POLR2F: variants seen among roughly 807,000 people sequenced by gnomAD.
The protein encoded by POLR2F is DNA-directed RNA polymerases I, II, and III subunit RPABC2.
POLR2F carries 12 observed loss-of-function variants against 22.7 expected under a neutral mutation model. The observed-to-expected ratio is 0.53, with a 90% CI of 0.34 to 0.86. The LOEUF is 0.86. Ranked by LOEUF, POLR2F falls within the 40% of genes least tolerant of loss-of-function variation. The pLI, the probability that POLR2F is intolerant of heterozygous loss-of-function variation, is 0.02. For missense variants in POLR2F, 126 were observed against 171.5 expected, an observed-to-expected ratio of 0.73 and a Z score of 1.48; for synonymous variants, 57 against 66.0, an observed-to-expected ratio of 0.86 and a Z score of 0.66.
At chr22:37,962,446 C>T (rs1342579644) in intron 3 of POLR2F, among the ~76,000 whole-genome samples, 1 of 152,108 alleles carries the variant, frequency 6.6e-6, no homozygotes, top group Non-Finnish European at 1.5e-5. Flanking sequence ...TTGTTCTCCC[C>T]CATTCCTCAG....
At chr22:38,004,704 G>C (rs553215933) in intron 1 of POLR2F, among the ~76,000 whole-genome samples, 7 of 152,276 alleles carry the variant, frequency 4.6e-5, no homozygotes, top group African/African-American at 1.2e-4. Context: ...TAATACTTTG[G>C]GGGGCCAAGT....
intron 1 of POLR2F, among the ~76,000 whole-genome samples, chr22:38,004,339 C>T (rs1227867251): frequency 2.6e-5 from 4 of 151,918 alleles, no homozygotes; most frequent in Admixed American, 6.6e-5. Context: ...TAGGATGGGT[C>T]GTAGGGAGGG....
chr22:38,011,634 A>G (rs1167712810), intron 1 of POLR2F, among the ~76,000 whole-genome samples: 2 of 152,126 alleles, frequency 1.3e-5, no homozygotes, highest in African/African-American at 2.4e-5. Flanking sequence ...CTTTATGTCA[A>G]TGCTACATTG....
chr22:37,987,606 C>A (rs1569173219), intron 1 of POLR2F: 1 of 334,368 alleles, frequency 3.0e-6, no homozygotes, highest in South Asian at 2.5e-5. Context: ...GAACCAGGGG[C>A]CATGCAGGAG....
At chr22:38,004,720 A>G (rs2084805334) in intron 1 of POLR2F, among the ~76,000 whole-genome samples, 1 of 152,220 alleles carries the variant, frequency 6.6e-6, no homozygotes, top group Admixed American at 6.5e-5. Context: ...CAAGTCGGGC[A>G]GATCACTTGA....
upstream of POLR2F, among the ~76,000 whole-genome samples, chr22:37,981,982 C>T (rs1234057193): frequency 2.0e-5 from 3 of 152,192 alleles, no homozygotes; most frequent in East Asian, 1.9e-4. Flanking sequence ...TGGAGATCCT[C>T]CTGCACCTTC....
rs900974199 is a variant in POLR2F at position 37,968,656 on chromosome 22, G to C, written c.*941G>C. Reference sequence around the variant, plus strand: ...GGCTCCTCCCTCCTAGAGGGGGTCAGGGGGAGGGTGTATATTGACATGAAC... The same window carrying C: ...GGCTCCTCCCTCCTAGAGGGGGTCACGGGGAGGGTGTATATTGACATGAAC... On this transcript the variant is annotated 3_prime_UTR_variant, in exon 5 of 5. Coordinates refer to ENST00000442738, the MANE Select transcript of POLR2F (RefSeq NM_021974.5). The C allele has an allele frequency of 1.0e-6, 1 of 985,396 alleles. No homozygotes were observed. Among genetic ancestry groups the C allele is most frequent in the Non-Finnish European group, 1.2e-6 (1 of 829,918 alleles). The allele number at this position is 985,396 out of a possible 1,614,324, so 61.0% of individuals were successfully genotyped here.
At chr22:38,023,271 C>G (rs749578677) in intron 1 of POLR2F, among the ~76,000 whole-genome samples, 1 of 152,122 alleles carries the variant, frequency 6.6e-6, no homozygotes, top group Non-Finnish European at 1.5e-5. Context: ...CTCACCTACA[C>G]GTGGCGCTGG....
chr22:38,006,098 G>C (rs1271253314), intron 1 of POLR2F, among the ~76,000 whole-genome samples: 1 of 152,080 alleles, frequency 6.6e-6, no homozygotes, highest in African/African-American at 2.4e-5. Context: ...GCCCATGCCT[G>C]TTGTCCTAGC....
At chr22:38,030,907 C>T (rs552483318), downstream of POLR2F, among the ~76,000 whole-genome samples, 12 of 152,196 alleles carry the variant, frequency 7.9e-5, no homozygotes, top group African/African-American at 1.4e-4. Context: ...TCAGATCAGT[C>T]GGCTGTCACC....
chr22:37,970,368 C>A (rs572478241), downstream of POLR2F, among the ~76,000 whole-genome samples: 1 of 148,636 alleles, frequency 6.7e-6, no homozygotes, highest in Non-Finnish European at 1.5e-5. Flanking sequence ...TTTAGGAGGC[C>A]GAGGCAAGCG....
chr22:37,996,477 T>C (rs1215703861), intron 1 of POLR2F, among the ~76,000 whole-genome samples: 1 of 152,178 alleles, frequency 6.6e-6, no homozygotes, highest in Non-Finnish European at 1.5e-5. Context: ...CTCTCCCTCA[T>C]TTGGTTTCTG....
At chr22:38,041,184 G>T, downstream of POLR2F, 1 of 1,602,992 alleles carries the variant, frequency 6.2e-7, no homozygotes, top group East Asian at 2.2e-5. Context: ...GTGGGGACTG[G>T]TCAAGGCGGC....
intron 1 of POLR2F, among the ~76,000 whole-genome samples, chr22:37,998,510 G>A (rs763589917): frequency 6.6e-6 from 1 of 152,136 alleles, no homozygotes; most frequent in Non-Finnish European, 1.5e-5. Flanking sequence ...CAGGCTCCCT[G>A]GGCAGGTTGG....
downstream of POLR2F, among the ~76,000 whole-genome samples, chr22:38,028,302 G>A (rs2085033137): frequency 6.6e-6 from 1 of 152,240 alleles, no homozygotes; most frequent in Middle Eastern, 3.4e-3. Context: ...GCACGGCGAT[G>A]CTTTAGGGTG....
At chr22:38,035,975 TTTTC>T (rs2085111970) in intron 5 of POLR2F, among the ~76,000 whole-genome samples, 1 of 97,900 alleles carries the variant, frequency 1.0e-5, no homozygotes, top group South Asian at 3.4e-4. Context: ...GAGCCCCTGC[TTTTC>T]TTTTTTTTTT....
downstream of POLR2F, chr22:37,973,652 G>A (rs1348367862): frequency 4.3e-6 from 7 of 1,613,682 alleles, no homozygotes; most frequent in Admixed American, 1.7e-5. Flanking sequence ...GGCCTGGCCC[G>A]AGTGGCCATA....
At chr22:37,973,958 T>C (rs1227299243), downstream of POLR2F, 3 of 1,611,612 alleles carry the variant, frequency 1.9e-6, no homozygotes, top group Non-Finnish European at 2.5e-6. Context: ...GGCTGCTGAG[T>C]AGCTGCTCAC....
intron 1 of POLR2F, among the ~76,000 whole-genome samples, chr22:37,991,106 AC>A (rs1352097877): frequency 1.3e-5 from 2 of 152,026 alleles, no homozygotes; most frequent in Middle Eastern, 3.4e-3. Flanking sequence ...ACATAGTGAG[AC>A]CCCCGTTTCC....
Sources: gnomAD v4.1 joint callset for allele counts (sites outside exome capture counted in the v4.1 genomes callset) on GRCh38, gnomAD v4.1.1 for gene constraint, MANE v1.5 for transcripts, NCBI Gene and HGNC (gene_info 2026-07-23, HGNC 2026-07-21) for gene names.